Variants in SGCD observed in about 807,000 individuals in gnomAD.
SGCD encodes delta-sarcoglycan.
Under a neutral mutation model 36.6 loss-of-function variants are expected in SGCD, and 18 were observed. The ratio of observed to expected loss-of-function variants is 0.49; its 90% CI spans 0.34 to 0.73. SGCD has a LOEUF of 0.73. Among genes scored for constraint, SGCD ranks in the 30% least tolerant of loss-of-function variants. The pLI, the probability that SGCD is intolerant of heterozygous loss-of-function variation, is 0.01. For missense variants in SGCD, 387 were observed against 346.7 expected (o/e 1.12, Z -0.92); for synonymous variants, 133 against 130.6 (o/e 1.02, Z -0.12).
chr5:156,166,581 C>G (rs185050656), intron 3 of SGCD, among the ~76,000 whole-genome samples: 2,190 of 152,290 alleles, frequency 0.014, 22 homozygotes, highest in Middle Eastern at 0.054. Context: ...CGGCCTCCCA[C>G]AGTGCTGGGA....
intron 3 of SGCD, among the ~76,000 whole-genome samples, chr5:156,297,791 A>AAAATAAAT (rs34901027): frequency 0.029 from 4,173 of 144,346 alleles, 84 homozygotes; most frequent in Non-Finnish European, 0.038. Context: ...GTATAATAAA[A>AAAATAAAT]AAATAAATAA....
intron 1 of SGCD, among the ~76,000 whole-genome samples, chr5:155,888,994 G>T (rs900952926): frequency 1.3e-5 from 2 of 152,080 alleles, no homozygotes; most frequent in Non-Finnish European, 2.9e-5. Flanking sequence ...TGGCTTTCAC[G>T]AAGTGACTTT....
intron 1 of SGCD, among the ~76,000 whole-genome samples, chr5:156,095,148 T>A (rs539762017): frequency 1.3e-5 from 2 of 152,298 alleles, no homozygotes; most frequent in South Asian, 4.1e-4. Context: ...GACCCCTAGT[T>A]GTTGGATGGA....
chr5:155,989,294 G>A (rs1758388626), intron 1 of SGCD, among the ~76,000 whole-genome samples: 1 of 152,116 alleles, frequency 6.6e-6, no homozygotes, highest in African/African-American at 2.4e-5. Flanking sequence ...TTTATGTATA[G>A]AATTTTATTT....
chr5:155,941,143 C>T (rs912758901), intron 1 of SGCD, among the ~76,000 whole-genome samples: 1 of 152,084 alleles, frequency 6.6e-6, no homozygotes, highest in African/African-American at 2.4e-5. Context: ...CAAGAGAGAG[C>T]CGAACTGACT....
chr5:156,077,965 C>A (rs774997046), intron 1 of SGCD, among the ~76,000 whole-genome samples: 5 of 152,162 alleles, frequency 3.3e-5, no homozygotes, highest in Non-Finnish European at 5.9e-5. Context: ...AGATTGACTT[C>A]TCACTGTCAC....
chr5:156,201,001 A>C (rs1764136674), intron 3 of SGCD, among the ~76,000 whole-genome samples: 1 of 152,208 alleles, frequency 6.6e-6, no homozygotes, highest in Non-Finnish European at 1.5e-5. Context: ...ACAAAAGGAC[A>C]AAAAAGTACT....
At chr5:156,063,304 G>C (rs1370473619) in intron 1 of SGCD, among the ~76,000 whole-genome samples, 1 of 13,072 alleles carries the variant, frequency 7.6e-5, no homozygotes, top group African/African-American at 4.8e-4. Context: ...TCTCTGTTTT[G>C]GTACCAGTAC....
At chr5:155,778,372 A>C in the SGCD span, among the ~76,000 whole-genome samples, 1 of 152,196 alleles carries the variant, frequency 6.6e-6, no homozygotes, top group Non-Finnish European at 1.5e-5. Context: ...CGACTGCATT[A>C]CCACAAATTT....
the SGCD span, among the ~76,000 whole-genome samples, chr5:155,813,405 T>C: frequency 6.6e-6 from 1 of 152,120 alleles, no homozygotes; most frequent in Non-Finnish European, 1.5e-5. Flanking sequence ...AGAAAAGGCC[T>C]GCGCATGCCT....
At chr5:155,991,752 A>G (rs539427448) in intron 1 of SGCD, among the ~76,000 whole-genome samples, 26 of 152,340 alleles carry the variant, frequency 1.7e-4, no homozygotes, top group African/African-American at 6.3e-4. Context: ...ATTGATGCAG[A>G]TTATGGTATA....
At chr5:156,367,940 A>G (rs1770190654) in intron 3 of SGCD, among the ~76,000 whole-genome samples, 1 of 152,108 alleles carries the variant, frequency 6.6e-6, no homozygotes. Context: ...TGTAGAAACT[A>G]TTTGTTCATA....
At chr5:155,981,346 T>C (rs570426851) in intron 1 of SGCD, among the ~76,000 whole-genome samples, 1 of 152,122 alleles carries the variant, frequency 6.6e-6, no homozygotes, top group East Asian at 1.9e-4. Context: ...CCCCAGCAGG[T>C]GTGGGTATAA....
At chr5:156,374,032 CA>C (rs1170581002) in intron 3 of SGCD, among the ~76,000 whole-genome samples, 2 of 151,508 alleles carry the variant, frequency 1.3e-5, no homozygotes, top group Non-Finnish European at 2.9e-5. Context: ...AGTCAACGGA[CA>C]TTTTATTTTA....
intron 3 of SGCD, among the ~76,000 whole-genome samples, chr5:156,405,717 A>G (rs1772366158): frequency 6.6e-6 from 1 of 152,144 alleles, no homozygotes; most frequent in Non-Finnish European, 1.5e-5. Flanking sequence ...GTGCCTGAGT[A>G]GTAACTTTAA....
chr5:156,146,980 T>G (rs73811416), intron 3 of SGCD, among the ~76,000 whole-genome samples: 8,191 of 152,234 alleles, frequency 0.054, 516 homozygotes, highest in African/African-American at 0.15. Context: ...ACTCAGAAAG[T>G]AAAAACATGA....
intron 6 of SGCD, among the ~76,000 whole-genome samples, chr5:156,595,436 T>C (rs1219507659): frequency 6.6e-6 from 1 of 152,190 alleles, no homozygotes; most frequent in East Asian, 1.9e-4. Flanking sequence ...ACCCAGGCTA[T>C]GGTACTTTGT....
intron 3 of SGCD, among the ~76,000 whole-genome samples, chr5:156,198,660 G>A (rs570554457): frequency 6.6e-6 from 1 of 152,030 alleles, no homozygotes; most frequent in Non-Finnish European, 1.5e-5. Flanking sequence ...CCCTTAGTTG[G>A]TTATTAAATT....
chr5:156,439,281 T>C (rs952458508), intron 3 of SGCD, among the ~76,000 whole-genome samples: 6 of 152,258 alleles, frequency 3.9e-5, no homozygotes, highest in East Asian at 1.9e-4. Context: ...AGCCAGTAAG[T>C]GAAAGAGCTG....
Sources: allele counts gnomAD v4.1 joint callset (sites outside exome capture counted in the v4.1 genomes callset), GRCh38; gene constraint gnomAD v4.1.1; transcripts MANE v1.5; gene names NCBI Gene and HGNC (gene_info 2026-07-23, HGNC 2026-07-21).